ARID5B: variants seen among roughly 807,000 people sequenced by gnomAD.
ARID5B encodes the protein AT-rich interaction domain 5B.
Under a neutral mutation model 97.2 loss-of-function variants are expected in ARID5B, and 13 were observed. The ratio of observed to expected loss-of-function variants is 0.13; its 90% CI spans 0.09 to 0.21. ARID5B has a LOEUF of 0.21. Ranked by LOEUF, ARID5B falls within the 10% of genes least tolerant of loss-of-function variation. The probability of loss-of-function intolerance (pLI) is 1.00; values close to 1 mark genes in which losing one functional copy is unlikely to be tolerated. For synonymous variants in ARID5B, 556 were observed against 570.3 expected (o/e 0.97, Z 0.36); for missense variants, 1,210 against 1,465.3 (o/e 0.83, Z 2.84).
chr10:62,014,511 T>G (rs558775135), intron 4 of ARID5B, among the ~76,000 whole-genome samples: 1 of 152,264 alleles, frequency 6.6e-6, no homozygotes, highest in East Asian at 1.9e-4. Context: ...TGCAAAGCCC[T>G]GATTTTGGAG....
chr10:62,081,575 GA>G (rs1383471816), intron 8 of ARID5B, among the ~76,000 whole-genome samples: 1 of 152,244 alleles, frequency 6.6e-6, no homozygotes, highest in Non-Finnish European at 1.5e-5. Context: ...AAATGCAAAT[GA>G]TGAGGACATG....
chr10:62,072,538 ATGCAGAGC>A lies in ARID5B; in HGVS notation c.1199+2742_1199+2749del, dbSNP rs1333174226. On this transcript the variant is annotated intron_variant, in intron 8 of 9. Coordinates refer to ENST00000279873, the MANE Select transcript of ARID5B (RefSeq NM_032199.3). ...GCCATCCGCCAAGTGGGAACCCCAT[ATGCAGAGC>A]CCATTTTATGTGTGGCAACACCAAA... 4.6e-5 allele frequency among the ~76,000 whole-genome samples: 7 copies of A among 152,338 alleles called. No homozygotes were observed. In the South Asian group the frequency reaches 8.3e-4, roughly 18 times the overall value.
chr10:61,937,456 T>G (rs1341076328), intron 2 of ARID5B, among the ~76,000 whole-genome samples: 1 of 152,066 alleles, frequency 6.6e-6, no homozygotes, highest in African/African-American at 2.4e-5. Context: ...TAAATCCAAA[T>G]TACAGAAATA....
At chr10:62,067,072 G>C (rs1322676322) in intron 7 of ARID5B, among the ~76,000 whole-genome samples, 2 of 151,852 alleles carry the variant, frequency 1.3e-5, no homozygotes, top group Non-Finnish European at 2.9e-5. Flanking sequence ...ACTCGGTGGT[G>C]AACTTAATAT....
chr10:62,016,433 A>C (rs1839285121), intron 4 of ARID5B, among the ~76,000 whole-genome samples: 1 of 152,260 alleles, frequency 6.6e-6, no homozygotes, highest in African/African-American at 2.4e-5. Flanking sequence ...TAACAACTGT[A>C]AAATGCCATC....
At chr10:61,914,922 C>T (rs1843874618) in intron 2 of ARID5B, among the ~76,000 whole-genome samples, 3 of 152,124 alleles carry the variant, frequency 2.0e-5, no homozygotes, top group South Asian at 2.1e-4. Flanking sequence ...CCCGATGCTG[C>T]GAAGACCAGT....
intron 4 of ARID5B, among the ~76,000 whole-genome samples, chr10:62,022,678 C>T (rs1839371529): frequency 6.6e-6 from 1 of 152,176 alleles, no homozygotes. Context: ...ATTTGTGACA[C>T]TGGCTGTGGA....
At chr10:61,953,469 A>G (rs886718104) in intron 3 of ARID5B, among the ~76,000 whole-genome samples, 5 of 152,052 alleles carry the variant, frequency 3.3e-5, no homozygotes, top group Non-Finnish European at 7.4e-5. Flanking sequence ...TTAATTGAGA[A>G]TGCTCATTTA....
chr10:61,944,401 A>G (rs1844467450), intron 3 of ARID5B, among the ~76,000 whole-genome samples: 1 of 152,230 alleles, frequency 6.6e-6, no homozygotes, highest in Admixed American at 6.5e-5. Flanking sequence ...GGCAGTTGAA[A>G]GTAGTCAAAT....
In ARID5B at chr10:62,050,940, A is replaced by G; in HGVS notation, c.786A>G (p.Arg262=). The change falls in exon 5 of 10, where the codon AGA becomes AGG. Residue 262 remains arginine (R), a synonymous_variant. Transcript: ENST00000279873. ...PRKKKPCPQR[R]DSFSGVKDSN... ...AAAAGAAACCATGCCCACAAAGAAG[A>G]GATTCATTCAGTGGTGTTAAGGATT... The G allele has an allele frequency of 6.2e-7, 1 of 1,614,198 alleles. No homozygotes were observed. The highest frequency in any genetic ancestry group is 8.5e-7 in the Non-Finnish European group (1 of 1,180,006).
chr10:61,908,589 C>T (rs755290737), intron 2 of ARID5B, among the ~76,000 whole-genome samples: 4 of 151,892 alleles, frequency 2.6e-5, no homozygotes, highest in Non-Finnish European at 5.9e-5. Flanking sequence ...AGGCAGATCA[C>T]GAGATTGAGA....
rs535534844 is a variant in ARID5B at position 61,996,155 on chromosome 10, G to A, written c.503-3936G>A. Among the ~76,000 whole-genome samples the A allele has an allele frequency of 3.9e-5, 6 of 152,220 alleles. No homozygotes were observed. In the South Asian group the frequency reaches 6.2e-4, roughly 16 times the overall value. On this transcript the variant is annotated intron_variant, in intron 3 of 9. Coordinates refer to ENST00000279873, the MANE Select transcript of ARID5B (RefSeq NM_032199.3). ...TAGAAAGTTAATGTACATGAATGAT[G>A]TATCAATAATGTTAAATCATTACAG...
chr10:61,944,872 G>C (rs576890879), intron 3 of ARID5B, among the ~76,000 whole-genome samples: 66 of 152,320 alleles, frequency 4.3e-4, no homozygotes, highest in Non-Finnish European at 6.9e-4. Context: ...AGAAAAGATA[G>C]AGGAGTCTGA....
chr10:61,920,668 T>C (rs1217533371), intron 2 of ARID5B, among the ~76,000 whole-genome samples: 6 of 152,214 alleles, frequency 3.9e-5, no homozygotes, highest in Non-Finnish European at 8.8e-5. Flanking sequence ...CATATGGTAG[T>C]TAAGGGCATA....
At chr10:62,009,997 A>T (rs1193849449) in intron 4 of ARID5B, among the ~76,000 whole-genome samples, 1 of 152,252 alleles carries the variant, frequency 6.6e-6, no homozygotes, top group African/African-American at 2.4e-5. Flanking sequence ...GACAAAAAGC[A>T]GCCTCCACAA....
intron 4 of ARID5B, among the ~76,000 whole-genome samples, chr10:62,024,463 G>A (rs527372171): frequency 5.9e-4 from 90 of 152,240 alleles, no homozygotes; most frequent in African/African-American, 2.1e-3. Context: ...GAACCTTTCT[G>A]TTGAGTTTAT....
At chr10:61,914,106 AT>A (rs1402428676) in intron 2 of ARID5B, among the ~76,000 whole-genome samples, 1 of 152,182 alleles carries the variant, frequency 6.6e-6, no homozygotes, top group Non-Finnish European at 1.5e-5. Flanking sequence ...GCCAGGATTG[AT>A]ATCCAGGATC....
At chr10:62,028,559 C>A (rs989525756) in intron 4 of ARID5B, among the ~76,000 whole-genome samples, 11 of 152,160 alleles carry the variant, frequency 7.2e-5, no homozygotes, top group Non-Finnish European at 1.3e-4. Context: ...CAATGACTCA[C>A]CCTCTCTCAG....
chr10:61,914,307 C>T (rs1843860985), intron 2 of ARID5B, among the ~76,000 whole-genome samples: 1 of 152,218 alleles, frequency 6.6e-6, no homozygotes. Context: ...TGTGTATCTA[C>T]TATATGCCTA....
Sources: gnomAD v4.1 joint callset for allele counts (sites outside exome capture counted in the v4.1 genomes callset) on GRCh38, gnomAD v4.1.1 for gene constraint, MANE v1.5 for transcripts, NCBI Gene and HGNC (gene_info 2026-07-23, HGNC 2026-07-21) for gene names.